ZCCHC8: variants seen among roughly 807,000 people sequenced by gnomAD.
ZCCHC8 encodes the protein zinc finger CCHC domain-containing protein 8.
In ZCCHC8, 27 loss-of-function variants were observed where a neutral mutation model predicts 70.6. That is an observed-to-expected ratio of 0.38 (90% CI 0.28 to 0.53). The LOEUF is 0.53. Ranked by LOEUF, ZCCHC8 falls within the 20% of genes least tolerant of loss-of-function variation. ZCCHC8 has a pLI of 0.81. For synonymous variants in ZCCHC8, 293 were observed against 317.4 expected (o/e 0.92, Z 0.82); for missense variants, 737 against 876.9 (o/e 0.84, Z 2.01).
chr12:122,482,694 G>A lies in ZCCHC8; in HGVS notation c.673C>T (p.Pro225Ser). Residue 225 changes from proline (P) to serine (S), a missense_variant and splice_region_variant, in exon 8 of 14, where the codon CCA becomes TCA. By Grantham distance (74) the Pro-to-Ser change is moderately conservative. Transcript: ENST00000633063. Reference protein sequence around the residue: ...GQEIQVKAKRPKPHCFNCGSE... With the variant: ...GQEIQVKAKRSKPHCFNCGSE... ...CCACAATTGAAACAGTGAGGCTTTG[G>A]CCTATTTGGTCAAAAGACAAAGATT... The A allele has an allele frequency of 6.2e-7, 1 of 1,602,726 alleles. No individual in the cohort carries two copies.
rs1360815457 is a variant in ZCCHC8 at position 122,483,788 on chromosome 12, A to G, written c.502-225T>C. On this transcript the variant is annotated intron_variant, in intron 5 of 13. Transcript: ENST00000633063. This position sits in a 1 kb window ranked among gnomAD's most constrained non-coding sequence, Gnocchi z 4.4. The stretch of plus-strand genomic sequence containing the variant: ...TTTTCCTCTGTATTGGATCATGACT[A>G]TCAGCTGCATTCTCTACAGAATTCA... 1 of 473,328 alleles carries G rather than the reference A, an allele frequency of 2.1e-6. No homozygotes were observed. Among genetic ancestry groups the G allele is most frequent in the African/African-American group, 2.0e-5 (1 of 50,874 alleles). The allele number at this position is 473,328 out of a possible 1,614,324, so 29.3% of individuals were successfully genotyped here.
rs1055679253 is a variant in ZCCHC8, at chr12:122,472,225, G to C, written c.*1272C>G. 6 of 34,154 alleles carry C rather than the reference G, an allele frequency of 1.8e-4. No individual in the cohort carries two copies. Among genetic ancestry groups the C allele is most frequent in the African/African-American group, 5.8e-4 (6 of 10,398 alleles). 2.1% of individuals were successfully genotyped at this position (34,154 alleles called of 1,614,324 possible). A position where few individuals can be genotyped will look rare whatever the true frequency, so the allele number is the denominator to read the frequency against. On this transcript the variant is annotated 3_prime_UTR_variant, in exon 14 of 14. Coordinates refer to ENST00000633063, the MANE Select transcript of ZCCHC8 (RefSeq NM_017612.5). ...TTTACCTTTTTTTTTTTTTTTTTTT[G>C]AGATGGAGTTTTGCTCTTGTTGCCC...
chr12:122,490,072 A>C (rs1402734599), intron 4 of ZCCHC8, among the ~76,000 whole-genome samples: 1 of 152,078 alleles, frequency 6.6e-6, no homozygotes, highest in East Asian at 1.9e-4. Flanking sequence ...TAATATTCAC[A>C]TAGTAAAACT....
chr12:122,479,313 G>C (rs1193887731), intron 11 of ZCCHC8, among the ~76,000 whole-genome samples: 1 of 152,132 alleles, frequency 6.6e-6, no homozygotes, highest in Non-Finnish European at 1.5e-5. Flanking sequence ...TGAGCTCCAG[G>C]TGATCCACCC....
intron 2 of ZCCHC8, among the ~76,000 whole-genome samples, chr12:122,497,535 C>T (rs1957845093): frequency 6.6e-6 from 1 of 151,954 alleles, no homozygotes; most frequent in Non-Finnish European, 1.5e-5. Context: ...GAGTAACACT[C>T]TGTCTCAAAA....
intron 10 of ZCCHC8, 106 bp from the exon 11 acceptor site, chr12:122,480,417 A>G: frequency 1.0e-6 from 1 of 956,640 alleles, no homozygotes; most frequent in Non-Finnish European, 1.4e-6. Flanking sequence ...CAACAGAATT[A>G]GTTTTGAAAT....
Position 122,484,954 on chromosome 12 carries a change from G to A in ZCCHC8, c.502-1391C>T, listed in dbSNP as rs140154924. Among the ~76,000 whole-genome samples, 23 of 152,094 alleles carry A rather than the reference G, an allele frequency of 1.5e-4. No individual in the cohort carries two copies. The East Asian group carries it at 3.7e-3, about 24-fold the overall frequency. On this transcript the variant is annotated intron_variant, in intron 5 of 13. Coordinates refer to ENST00000633063, the MANE Select transcript of ZCCHC8 (RefSeq NM_017612.5). Reference sequence around the variant, plus strand: ...CTTCTTTCCTTGCTGACTGAGCCTCGCTCTTCTGTGCTAGACTCTTCTCAT... The same window carrying A: ...CTTCTTTCCTTGCTGACTGAGCCTCACTCTTCTGTGCTAGACTCTTCTCAT...
At chr12:122,491,656 C>G (rs891878143) in intron 3 of ZCCHC8, among the ~76,000 whole-genome samples, 1 of 151,830 alleles carries the variant, frequency 6.6e-6, no homozygotes, top group African/African-American at 2.4e-5. Context: ...TGGAGAAACC[C>G]CGTCTCTACT....
At chr12:122,486,480 T>G (rs1395115148) in intron 5 of ZCCHC8, among the ~76,000 whole-genome samples, 1 of 148,904 alleles carries the variant, frequency 6.7e-6, no homozygotes, top group East Asian at 2.0e-4. Context: ...AAACCCTCTA[T>G]CACTTCTCAT....
Position 122,489,369 on chromosome 12 carries a change from GA to G in ZCCHC8, c.501+16del. On this transcript the variant is annotated intron_variant, in intron 5 of 13. Transcript: ENST00000633063. ...ACACCTATTGGCTGAATTCAAAACT[GA>G]AATGTCCAAACTTACACTGAAAGCT... The G allele has an allele frequency of 6.2e-7, 1 of 1,611,766 alleles. No homozygotes were observed. The highest frequency in any genetic ancestry group is 8.5e-7 in the Non-Finnish European group (1 of 1,178,800).
chr12:122,488,864 CCG>C (rs1350345530), intron 5 of ZCCHC8, among the ~76,000 whole-genome samples: 4 of 145,666 alleles, frequency 2.7e-5, no homozygotes, highest in Non-Finnish European at 6.0e-5. Flanking sequence ...GGGCAAGACT[CCG>C]TTTCAAAAAA....
In ZCCHC8 at chr12:122,481,509, T is replaced by G; in HGVS notation, c.1018+13A>C. Reference sequence around the variant, plus strand: ...AACACTTAAGGTGACTTCTCTAACTTAAGATACTATACCTTTTCCATCATA... The same window carrying G: ...AACACTTAAGGTGACTTCTCTAACTGAAGATACTATACCTTTTCCATCATA... On this transcript the variant is annotated intron_variant, in intron 10 of 13. Coordinates refer to ENST00000633063, the MANE Select transcript of ZCCHC8 (RefSeq NM_017612.5). 2 of 1,593,288 alleles carry G rather than the reference T, an allele frequency of 1.3e-6. No individual in the cohort carries two copies. Among genetic ancestry groups the G allele is most frequent in the South Asian group, 2.3e-5 (2 of 85,920 alleles).
chr12:122,478,158 C>T (rs879421097), intron 12 of ZCCHC8, 48 bp downstream of exon 12: 17 of 1,449,466 alleles, frequency 1.2e-5, no homozygotes, highest in East Asian at 7.2e-5. Context: ...TACACAATCT[C>T]GCAGACACAA....
Position 122,497,435 on chromosome 12 carries a change from G to A in ZCCHC8, c.242+1392C>T, listed in dbSNP as rs899614354. ...TGGGCACCTGTAATCCCAGCTATTC[G>A]GGAGGCTGAGGCAGGAGAATTGCTT... On this transcript the variant is annotated intron_variant, in intron 2 of 13. Coordinates refer to ENST00000633063, the MANE Select transcript of ZCCHC8 (RefSeq NM_017612.5). Among the ~76,000 whole-genome samples the A allele has an allele frequency of 5.3e-5, 8 of 151,648 alleles. No individual in the cohort carries two copies. The East Asian group carries it at 5.8e-4, about 11-fold the overall frequency.
chr12:122,477,689 G>A, intron 13 of ZCCHC8, 152 bp downstream of exon 13: 3 of 646,552 alleles, frequency 4.6e-6, no homozygotes, highest in Non-Finnish European at 8.2e-6. Context: ...TACTCGGGAG[G>A]CTGAGGCGGG....
intron 13 of ZCCHC8, among the ~76,000 whole-genome samples, chr12:122,477,095 T>A (rs1957433761): frequency 6.6e-6 from 1 of 151,694 alleles, no homozygotes; most frequent in Non-Finnish European, 1.5e-5. Flanking sequence ...TTGAAGTCAC[T>A]TGTGCAAAAT....
intron 5 of ZCCHC8, among the ~76,000 whole-genome samples, chr12:122,488,927 C>T (rs1048620980): frequency 2.0e-5 from 3 of 150,854 alleles, no homozygotes; most frequent in African/African-American, 7.3e-5. Context: ...ATTGTATTAA[C>T]ACTAACGAAT....
At chr12:122,489,148 G>A (rs571111212) in intron 5 of ZCCHC8, among the ~76,000 whole-genome samples, 4 of 152,286 alleles carry the variant, frequency 2.6e-5, no homozygotes, top group African/African-American at 7.2e-5. Flanking sequence ...TAAACACAGT[G>A]GTTGGTCAAT....
At chr12:122,486,082 C>T (rs982729947) in intron 5 of ZCCHC8, among the ~76,000 whole-genome samples, 2 of 152,056 alleles carry the variant, frequency 1.3e-5, no homozygotes, top group Non-Finnish European at 2.9e-5. Context: ...AGATAACCAG[C>T]TACAGACTAT....
Sources: gnomAD v4.1 joint callset for allele counts (sites outside exome capture counted in the v4.1 genomes callset) on GRCh38, gnomAD v4.1.1 for gene constraint, Gnocchi (gnomAD v3.1) non-coding constraint, MANE v1.5 for transcripts, NCBI Gene and HGNC (gene_info 2026-07-23, HGNC 2026-07-21) for gene names.